Variants in SHC1 observed in about 807,000 individuals in gnomAD.
SHC1 encodes the protein SHC adaptor protein 1.
A neutral mutation model predicts 55.9 loss-of-function variants in SHC1; 30 were observed. The observed-to-expected ratio is 0.54, with a 90% CI of 0.40 to 0.73. The LOEUF (loss-of-function observed/expected upper bound fraction) is 0.73, where lower values mean the gene tolerates loss of function less well. Among genes scored for constraint, SHC1 ranks in the 30% least tolerant of loss-of-function variants. The pLI is 0.00. For synonymous variants in SHC1, 309 were observed against 306.1 expected (o/e 1.01, Z -0.10); for missense variants, 675 against 777.1 (o/e 0.87, Z 1.56).
chr1:154,964,923 A>G (rs772788832), intron 11 of SHC1, among the ~76,000 whole-genome samples: 2 of 151,986 alleles, frequency 1.3e-5, no homozygotes, highest in East Asian at 1.9e-4. Flanking sequence ...GGGCATCACA[A>G]CCTCTTCAGG....
Position 154,968,058 on chromosome 1 carries a change from C to T in SHC1, c.805-27G>A, listed in dbSNP as rs376007873. ...TGGGGAGGAAGGTCAAAAAATTTTA[C>T]AGTTCTACTTTACTCCTGACCCCTA... On this transcript the variant is annotated intron_variant, in intron 5 of 11. Transcript: ENST00000448116. The T allele has an allele frequency of 1.2e-5, 20 of 1,613,546 alleles. No homozygotes were observed. In the East Asian group the frequency reaches 3.3e-4, roughly 27 times the overall value.
rs1571414442 is a variant in SHC1 at position 154,962,848 on chromosome 1, C to G, written c.*955G>C. ...ACTTTAAAAGAATGCAGTTCCAACT[C>G]TACAGATGGTATGTGGGGATTGTCT... On this transcript the variant is annotated 3_prime_UTR_variant, in exon 12 of 12. Transcript: ENST00000448116. The G allele has an allele frequency of 6.5e-6, 1 of 152,898 alleles. No homozygotes were observed. Among genetic ancestry groups the G allele is most frequent in the East Asian group, 1.9e-4 (1 of 5,324 alleles). 9.5% of individuals were successfully genotyped at this position (152,898 alleles called of 1,614,324 possible).
chr1:154,973,739 CAA>C (rs1656974859), upstream of SHC1, among the ~76,000 whole-genome samples: 1 of 152,072 alleles, frequency 6.6e-6, no homozygotes, highest in African/African-American at 2.4e-5. Context: ...CCAGGTCCCA[CAA>C]AGATAAAGCT....
At position 154,969,415 on chromosome 1, in the gene SHC1, G is replaced by A. The variant is rs778201072; in HGVS notation, c.529C>T (p.Arg177Cys). Residue 177 changes from arginine (R) to cysteine (C), a missense_variant, in exon 2 of 12, where the codon CGT (arginine) becomes TGT (cysteine). Around this residue, in one of 3 missense-constraint regions of SHC1, gnomAD observed 159 missense variants for 246.9 expected, o/e 0.64. Coordinates refer to ENST00000448116, the MANE Select transcript of SHC1 (RefSeq NM_001130040.2). Reference protein sequence around the residue: ...MGCVEVLQSMRALDFNTRTQV... With the variant: ...MGCVEVLQSMCALDFNTRTQV... The stretch of plus-strand genomic sequence containing the variant: ...GTCCGGGTGTTGAAGTCCAGGGCAC[G>A]CATTGACTGGAGGACCTCCACACAA... The A allele has an allele frequency of 1.9e-6, 3 of 1,612,092 alleles. No homozygotes were observed. Among genetic ancestry groups the A allele is most frequent in the Non-Finnish European group, 2.5e-6 (3 of 1,178,872 alleles).
chr1:154,966,030 C>G lies in SHC1; in HGVS notation c.1303G>C (p.Asp435His), dbSNP rs1427378008. ...DPSYVNVQNLDKARQAVGGAG... is the reference protein window; with the variant it reads ...DPSYVNVQNLHKARQAVGGAG... ...CCACCCACTGCTTGCCGGGCCTTGT[C>G]TAGGTTCTGGACGTTGACATAGGAG... The change falls in exon 10 of 12, where the codon GAC becomes CAC. Residue 435 changes from aspartate to histidine, a missense_variant. Physicochemically the swap from Asp to His is moderately conservative, Grantham distance 81 (BLOSUM62 -1). Around this residue, in one of 3 missense-constraint regions of SHC1, gnomAD observed 360 missense variants for 371.1 expected, o/e 0.97. Transcript: ENST00000448116. 1 of 1,613,986 alleles carries G rather than the reference C, an allele frequency of 6.2e-7. No homozygotes were observed. Among genetic ancestry groups the G allele is most frequent in the Non-Finnish European group, 8.5e-7 (1 of 1,180,020 alleles).
At position 154,966,148 on chromosome 1, in the gene SHC1, G is replaced by C; in HGVS notation, c.1252+14C>G. 1 of 1,614,106 alleles carries C rather than the reference G, an allele frequency of 6.2e-7. No homozygotes were observed. The highest frequency in any genetic ancestry group is 8.5e-7 in the Non-Finnish European group (1 of 1,179,996). ...AACACTCCCCAGCTCTGCCTATCTCGGCTCCCTTCATACCTGGACAGGGTG... is the reference window on the plus strand; with the variant it reads ...AACACTCCCCAGCTCTGCCTATCTCCGCTCCCTTCATACCTGGACAGGGTG... On this transcript the variant is annotated intron_variant, in intron 9 of 11. Transcript: ENST00000448116.
intron 11 of SHC1, chr1:154,964,285 C>T (rs1452517200): frequency 2.1e-6 from 1 of 475,372 alleles, no homozygotes; most frequent in Admixed American, 2.3e-5. Context: ...CCTGTAATCC[C>T]AGCACTCTGG....
chr1:154,973,532 AAAAG>A (rs1356973002), upstream of SHC1: 4 of 151,678 alleles, frequency 2.6e-5, no homozygotes, highest in African/African-American at 9.7e-5. Context: ...AAAAAAAAAA[AAAAG>A]ATAGAAAGGA....
At chr1:154,966,120 T>G in intron 9 of SHC1, 40 bp from the exon 10 acceptor site, 1 of 1,613,932 alleles carries the variant, frequency 6.2e-7, no homozygotes, top group Non-Finnish European at 8.5e-7. Context: ...CAGCCCTGCC[T>G]CCAACACTCC....
intron 7 of SHC1, 124 bp from the exon 8 acceptor site, chr1:154,966,641 T>C (rs1424121469): frequency 1.6e-6 from 1 of 644,494 alleles, no homozygotes; most frequent in Admixed American, 3.3e-5. Flanking sequence ...GCTGAGTGTT[T>C]TATATACATA....
chr1:154,965,850 G>A, intron 10 of SHC1, 69 bp from the exon 11 acceptor site: 1 of 1,569,502 alleles, frequency 6.4e-7, no homozygotes, highest in Non-Finnish European at 8.7e-7. Flanking sequence ...AGACTTCAGG[G>A]AAGGGAAGTC....
At chr1:154,971,460 T>C (rs1202985099), upstream of SHC1, among the ~76,000 whole-genome samples, 1 of 152,212 alleles carries the variant, frequency 6.6e-6, no homozygotes, top group African/African-American at 2.4e-5. Flanking sequence ...TGGTCACGGC[T>C]TGTTCTCTAC....
chr1:154,965,872 A>C (rs1255938464), intron 10 of SHC1, 74 bp downstream of exon 10: 1 of 1,576,948 alleles, frequency 6.3e-7, no homozygotes, highest in Non-Finnish European at 8.6e-7. Context: ...GGAAGGAAAG[A>C]GCAGATAGGC....
chr1:154,963,695 C>G lies in SHC1; in HGVS notation c.*108G>C. 8.0e-7 allele frequency: 1 copy of G among 1,249,250 alleles called. No individual in the cohort carries two copies. 77.4% of individuals were successfully genotyped at this position (1,249,250 alleles called of 1,614,324 possible). On this transcript the variant is annotated 3_prime_UTR_variant, in exon 12 of 12. Transcript: ENST00000448116. The stretch of plus-strand genomic sequence containing the variant: ...CCCAGAGTCCATGCTACTCCCAGCT[C>G]TGACACAAGGCCAAGCCCACAGAAC...
chr1:154,966,835 G>T (rs1432993642), intron 7 of SHC1, among the ~76,000 whole-genome samples: 1 of 152,206 alleles, frequency 6.6e-6, no homozygotes, highest in Non-Finnish European at 1.5e-5. Flanking sequence ...AGGTGCAATG[G>T]CTCACGCCTA....
chr1:154,963,783 G>A lies in SHC1; in HGVS notation c.*20C>T. On this transcript the variant is annotated 3_prime_UTR_variant, in exon 12 of 12. Coordinates refer to ENST00000448116, the MANE Select transcript of SHC1 (RefSeq NM_001130040.2). Reference sequence around the variant, plus strand: ...GGAAAGGATTGGAGGGCATCTTCTGGAAGAGAGCGCTAGGGCAGATCACAG... The same window carrying A: ...GGAAAGGATTGGAGGGCATCTTCTGAAAGAGAGCGCTAGGGCAGATCACAG... 2 of 1,612,564 alleles carry A rather than the reference G, an allele frequency of 1.2e-6. No individual in the cohort carries two copies. Among genetic ancestry groups the A allele is most frequent in the Non-Finnish European group, 1.7e-6 (2 of 1,179,508 alleles).
chr1:154,965,125 A>C (rs1655775006), intron 11 of SHC1, among the ~76,000 whole-genome samples: 1 of 151,982 alleles, frequency 6.6e-6, no homozygotes, highest in Admixed American at 6.6e-5. Flanking sequence ...CAACCTCTGC[A>C]TCCCAGATTC....
upstream of SHC1, among the ~76,000 whole-genome samples, chr1:154,972,045 C>T (rs1000839962): frequency 1.3e-5 from 2 of 152,024 alleles, no homozygotes; most frequent in African/African-American, 4.8e-5. Flanking sequence ...GTCAGGAGTT[C>T]GAGACCAGCC....
intron 4 of SHC1, 70 bp from the exon 5 acceptor site, chr1:154,968,327 C>G: frequency 1.3e-6 from 2 of 1,557,810 alleles, no homozygotes; most frequent in Non-Finnish European, 1.8e-6. Flanking sequence ...GGCCCAGAAC[C>G]CTGGTGCCCC....
Sources: allele counts gnomAD v4.1 joint callset (sites outside exome capture counted in the v4.1 genomes callset), GRCh38; gene constraint gnomAD v4.1.1; regional missense constraint gnomAD v4.1.1; transcripts MANE v1.5; gene names NCBI Gene and HGNC (gene_info 2026-07-23, HGNC 2026-07-21).